SNX25: variants seen among roughly 807,000 people sequenced by gnomAD.
The protein encoded by SNX25 is sorting nexin 25.
Under a neutral mutation model 113.7 loss-of-function variants are expected in SNX25, and 62 were observed. The observed-to-expected ratio is 0.55, with a 90% CI of 0.44 to 0.67. SNX25 has a LOEUF of 0.67. Ranked by LOEUF, SNX25 falls within the 30% of genes least tolerant of loss-of-function variation. The probability of loss-of-function intolerance (pLI) is 0.00; values close to 1 mark genes in which losing one functional copy is unlikely to be tolerated. For synonymous variants in SNX25, 421 were observed against 436.2 expected (o/e 0.97, Z 0.43); for missense variants, 1,014 against 1,161.0 (o/e 0.87, Z 1.84).
chr4:185,348,125 A>G (rs765176790), intron 13 of SNX25, among the ~76,000 whole-genome samples: 5 of 152,186 alleles, frequency 3.3e-5, no homozygotes, highest in Admixed American at 6.5e-5. Context: ...ACTGTCCTCA[A>G]TAACAACCAC....
intron 12 of SNX25, among the ~76,000 whole-genome samples, chr4:185,343,863 A>G (rs573529246): frequency 7.2e-4 from 110 of 152,332 alleles, no homozygotes; most frequent in Non-Finnish European, 1.4e-3. Context: ...CGTGACAAAA[A>G]GAGAGTGAGA....
chr4:185,229,021 C>G (rs529260100), intron 1 of SNX25, among the ~76,000 whole-genome samples: 1 of 152,108 alleles, frequency 6.6e-6, no homozygotes, highest in Non-Finnish European at 1.5e-5. Context: ...GAAGCAGCAT[C>G]GCAAAGGTAC....
intron 9 of SNX25, among the ~76,000 whole-genome samples, chr4:185,326,830 A>G (rs1173328866): frequency 2.0e-5 from 3 of 152,158 alleles, no homozygotes; most frequent in Non-Finnish European, 4.4e-5. Context: ...ATTTTTATAG[A>G]CCCTTTTTAA....
chr4:185,231,443 C>G (rs1741845998), intron 1 of SNX25, among the ~76,000 whole-genome samples: 1 of 151,232 alleles, frequency 6.6e-6, no homozygotes, highest in Non-Finnish European at 1.5e-5. Context: ...GACGCGGTGG[C>G]TCACACCTGT....
In SNX25 at chr4:185,305,224, A is replaced by T. The variant is rs117682062; in HGVS notation, c.1163-5411A>T. Among the ~76,000 whole-genome samples, 938 of 152,258 alleles carry T rather than the reference A, an allele frequency of 6.2e-3. 15 individuals carry two copies. Among genetic ancestry groups the T allele is most frequent in the South Asian group, 0.049 (238 of 4,820 alleles). ...CATGCTGCTAAACATCCTGCAGTAC[A>T]CAGGACAGCCCCCCACAGCTGAGAA... On this transcript the variant is annotated intron_variant, in intron 6 of 18. Transcript: ENST00000652585.
chr4:185,290,196 G>C (rs1751947642), intron 6 of SNX25, among the ~76,000 whole-genome samples: 1 of 152,198 alleles, frequency 6.6e-6, no homozygotes, highest in Admixed American at 6.5e-5. Context: ...CACATCCTAA[G>C]GTACTTGGCG....
chr4:185,346,094 T>G (rs558594566), intron 12 of SNX25, among the ~76,000 whole-genome samples: 1 of 152,282 alleles, frequency 6.6e-6, no homozygotes, highest in East Asian at 1.9e-4. Context: ...CCTGACCTCA[T>G]GTGATCCAGC....
intron 1 of SNX25, among the ~76,000 whole-genome samples, chr4:185,214,371 A>G (rs969295628): frequency 2.0e-5 from 3 of 148,038 alleles, no homozygotes; most frequent in African/African-American, 7.5e-5. Flanking sequence ...AGCCTGGTCA[A>G]CATAGAGAAA....
intron 1 of SNX25, among the ~76,000 whole-genome samples, chr4:185,224,529 AT>A (rs1740627081): frequency 9.8e-6 from 1 of 102,232 alleles, no homozygotes; most frequent in Non-Finnish European, 2.2e-5. Flanking sequence ...ATATATATAC[AT>A]ATATATAAAT....
chr4:185,375,803 G>A, the SNX25 span: 3 of 835,880 alleles, frequency 3.6e-6, no homozygotes, highest in Non-Finnish European at 5.5e-6. Flanking sequence ...GTGGTCAAGT[G>A]TTTGTGCCCA....
chr4:185,347,134 T>C (rs1054561054), intron 13 of SNX25, among the ~76,000 whole-genome samples: 1 of 152,260 alleles, frequency 6.6e-6, no homozygotes, highest in Admixed American at 6.5e-5. Context: ...GAGGTTTTCA[T>C]CGTGTGAATA....
Position 185,346,532 on chromosome 4 carries a change from C to T in SNX25, c.2188-5C>T, listed in dbSNP as rs2095287732. 2 of 1,553,196 alleles carry T rather than the reference C, an allele frequency of 1.3e-6. No individual in the cohort carries two copies. The highest frequency in any genetic ancestry group is 2.4e-5 in the South Asian group (2 of 83,452). Reference sequence around the variant, plus strand: ...ATACTAACATTTCATTTTTTCCCCCCACAGTGCGTCCCTTCTTTAAAAAAA... The same window carrying T: ...ATACTAACATTTCATTTTTTCCCCCTACAGTGCGTCCCTTCTTTAAAAAAA... On this transcript the variant is annotated splice_polypyrimidine_tract_variant and splice_region_variant and intron_variant, in intron 12 of 18. Coordinates refer to ENST00000652585, the MANE Select transcript of SNX25 (RefSeq NM_001378034.2).
intron 1 of SNX25, among the ~76,000 whole-genome samples, chr4:185,243,743 A>G (rs1274095674): frequency 6.6e-6 from 1 of 152,234 alleles, no homozygotes; most frequent in Non-Finnish European, 1.5e-5. Flanking sequence ...CAGTAGTGAC[A>G]AACATATGTT....
At chr4:185,259,763 C>T (rs1229686470) in intron 3 of SNX25, among the ~76,000 whole-genome samples, 8 of 152,126 alleles carry the variant, frequency 5.3e-5, no homozygotes, top group Admixed American at 2.6e-4. Flanking sequence ...GATATGGACA[C>T]GGTTGGAACA....
intron 15 of SNX25, 112 bp downstream of exon 15, chr4:185,353,714 T>A: frequency 1.1e-6 from 1 of 888,990 alleles, no homozygotes; most frequent in Non-Finnish European, 1.8e-6. Flanking sequence ...AGACATGTAT[T>A]TATATTCATG....
At chr4:185,342,210 G>T in intron 12 of SNX25, 94 bp downstream of exon 12, 1 of 1,362,220 alleles carries the variant, frequency 7.3e-7, no homozygotes, top group Non-Finnish European at 9.7e-7. Flanking sequence ...TTCTTCCTTT[G>T]CTGTTGATAC....
At chr4:185,228,547 AT>A (rs1741356514) in intron 1 of SNX25, among the ~76,000 whole-genome samples, 2 of 151,698 alleles carry the variant, frequency 1.3e-5, no homozygotes, top group Admixed American at 6.6e-5. Flanking sequence ...TTTTTATTTT[AT>A]TTTTTTTAGA....
chr4:185,323,776 G>C lies in SNX25; in HGVS notation c.1725G>C (p.Gln575His), dbSNP rs1451859450. 1 of 1,613,164 alleles carries C rather than the reference G, an allele frequency of 6.2e-7. No individual in the cohort carries two copies. Among genetic ancestry groups the C allele is most frequent in the Non-Finnish European group, 8.5e-7 (1 of 1,179,772 alleles). Residue 575 changes from glutamine (Q) to histidine (H), a missense_variant, in exon 9 of 19, where the codon CAG becomes CAC. Transcript: ENST00000652585. ...LIKEEEKHAS[Q>H]MISNKDEMGP... ...AAGAGGAAGAAAAACATGCCTCACA[G>C]ATGATTTCCAACAAGGATGAGATGG...
chr4:185,377,849 T>C, the SNX25 span: 1 of 429,018 alleles, frequency 2.3e-6, no homozygotes. Flanking sequence ...AAGCATGTCC[T>C]TAAGTCCTGA....
Sources: allele counts gnomAD v4.1 joint callset (sites outside exome capture counted in the v4.1 genomes callset), GRCh38; gene constraint gnomAD v4.1.1; transcripts MANE v1.5; gene names NCBI Gene and HGNC (gene_info 2026-07-23, HGNC 2026-07-21).